Variants in LY6K observed in about 807,000 individuals in gnomAD.
LY6K encodes the protein lymphocyte antigen 6 family member K, also known as lymphocyte antigen 6K.
Under a neutral mutation model 10.4 loss-of-function variants are expected in LY6K, and 9 were observed. That is an observed-to-expected ratio of 0.87 (90% confidence interval 0.52 to 1.52). The LOEUF (loss-of-function observed/expected upper bound fraction) is 1.52, where lower values mean the gene tolerates loss of function less well. Among genes scored for constraint, LY6K ranks in the 40% most tolerant of loss-of-function variants. The probability of loss-of-function intolerance (pLI) is 0.00; values close to 1 mark genes in which losing one functional copy is unlikely to be tolerated. For synonymous variants in LY6K, 98 were observed against 83.7 expected (o/e 1.17, Z -0.94); for missense variants, 217 against 211.7 (o/e 1.02, Z -0.15).
chr8:142,701,979 T>C, intron 2 of LY6K: 2 of 356,182 alleles, frequency 5.6e-6, no homozygotes, highest in South Asian at 6.7e-5. Flanking sequence ...TGGCTAATTT[T>C]TTATTTTTAG....
At chr8:142,702,855 C>A in intron 2 of LY6K, 2 of 1,536,746 alleles carry the variant, frequency 1.3e-6, no homozygotes, top group Non-Finnish European at 8.8e-7. Flanking sequence ...AACCCCTAGA[C>A]CCGCATTCCC....
intron 1 of LY6K, 80 bp downstream of exon 1, chr8:142,700,710 G>T: frequency 7.7e-7 from 1 of 1,304,914 alleles, no homozygotes; most frequent in Non-Finnish European, 9.9e-7. Flanking sequence ...CGTGGCCACC[G>T]CCCCGACCAG....
Position 142,700,594 on chromosome 8 carries a change from G to T in LY6K, c.67G>T (p.Ala23Ser). ...GGTGTGGACAGACGCCAACCTGACT[G>T]CGAGACAACGAGATCCAGAGGACTC... ...PRVWTDANLT[A>S]RQRDPEDSQR... The change falls in exon 1 of 3, where the codon GCG (alanine) becomes TCG (serine). Residue 23 changes from alanine (A) to serine (S), a missense_variant. Ala to Ser is a moderately conservative substitution (Grantham distance 99). Transcript: ENST00000292430. 6.3e-7 allele frequency: 1 copy of T among 1,576,200 alleles called. No individual in the cohort carries two copies. The highest frequency in any genetic ancestry group is 1.7e-4 in the Middle Eastern group (1 of 5,966).
rs1397835696 is a variant in LY6K, at chr8:142,701,169, G to A, written c.104-431G>A. On this transcript the variant is annotated intron_variant, in intron 1 of 2. Coordinates refer to ENST00000292430, the MANE Select transcript of LY6K (RefSeq NM_017527.4). The stretch of plus-strand genomic sequence containing the variant: ...GCCGACCTGGGGTCAGGGTGCTGCG[G>A]CCGAGTGGGGGTGCGCTGTGCGCTC... 1.3e-5 allele frequency among the ~76,000 whole-genome samples: 2 copies of A among 152,262 alleles called. 1 individual carries two copies. The highest frequency in any genetic ancestry group is 4.8e-5 in the African/African-American group (2 of 41,470).
At chr8:142,702,490 C>G in intron 2 of LY6K, 1 of 1,535,578 alleles carries the variant, frequency 6.5e-7, no homozygotes. Flanking sequence ...CCAGCACATT[C>G]TGCCCACAGG....
intron 2 of LY6K, chr8:142,702,303 G>C (rs1554640291): frequency 1.4e-5 from 8 of 582,156 alleles, no homozygotes; most frequent in Non-Finnish European, 2.4e-5. Context: ...GCGCCACAGA[G>C]AACAGTGTCT....
rs1814944766 is a variant in LY6K, at chr8:142,700,253, T to C, written c.-275T>C. ...TTTCCACACGCGCCTTTCCCAGGGC[T>C]CCCGCGCCCGTTCCTGCCTGGCCGC... On this transcript the variant is annotated 5_prime_UTR_variant, in exon 1 of 3. Coordinates refer to ENST00000292430, the MANE Select transcript of LY6K (RefSeq NM_017527.4). The C allele has an allele frequency of 9.5e-7, 1 of 1,052,826 alleles. No individual in the cohort carries two copies. Among genetic ancestry groups the C allele is most frequent in the Non-Finnish European group, 1.2e-6 (1 of 836,684 alleles). The allele number at this position is 1,052,826 out of a possible 1,614,324, so 65.2% of individuals were successfully genotyped here.
In LY6K at chr8:142,700,350, T is replaced by G; in HGVS notation, c.-178T>G. The G allele has an allele frequency of 1.5e-6, 2 of 1,323,836 alleles. No individual in the cohort carries two copies. The highest frequency in any genetic ancestry group is 1.9e-6 in the Non-Finnish European group (2 of 1,039,496). 82.0% of individuals were successfully genotyped at this position (1,323,836 alleles called of 1,614,324 possible). A position where few individuals can be genotyped will look rare whatever the true frequency, so the allele number is the denominator to read the frequency against. ...AGGGCCGCCAGCGGCCGCGAGGCCC[T>G]GAGATGAGGCTCCAAAGACCCCGAC... On this transcript the variant is annotated 5_prime_UTR_variant, in exon 1 of 3. Coordinates refer to ENST00000292430, the MANE Select transcript of LY6K (RefSeq NM_017527.4).
intron 2 of LY6K, 159 bp downstream of exon 2, chr8:142,701,872 G>A: frequency 3.4e-6 from 2 of 579,992 alleles, no homozygotes; most frequent in Non-Finnish European, 3.1e-6. Context: ...GTGCAGTGGT[G>A]TGATCTCGGC....
At position 142,700,596 on chromosome 8, in the gene LY6K, G is replaced by A; in HGVS notation, c.69G>A (p.Ala23=). The part of the protein sequence containing the change: ...PRVWTDANLT[A]RQRDPEDSQR... The stretch of plus-strand genomic sequence containing the variant: ...TGTGGACAGACGCCAACCTGACTGC[G>A]AGACAACGAGATCCAGAGGACTCCC... The change falls in exon 1 of 3, where the codon GCG becomes GCA. Residue 23 remains alanine, a synonymous_variant. Coordinates refer to ENST00000292430, the MANE Select transcript of LY6K (RefSeq NM_017527.4). The A allele has an allele frequency of 3.2e-6, 5 of 1,574,912 alleles. No individual in the cohort carries two copies. The highest frequency in any genetic ancestry group is 4.3e-6 in the Non-Finnish European group (5 of 1,163,068).
In LY6K at chr8:142,700,325, A is replaced by C. The variant is rs374122416; in HGVS notation, c.-203A>C. 1,063 of 1,299,868 alleles carry C rather than the reference A, an allele frequency of 8.2e-4. 18 individuals carry two copies. In the East Asian group the frequency reaches 0.034, roughly 41 times the overall value. 80.5% of individuals were successfully genotyped at this position (1,299,868 alleles called of 1,614,324 possible). A position where few individuals can be genotyped will look rare whatever the true frequency, so the allele number is the denominator to read the frequency against. ...AAGGCGGGACTCAGAACCGGCGTTC[A>C]GGGCCGCCAGCGGCCGCGAGGCCCT... On this transcript the variant is annotated 5_prime_UTR_variant, in exon 1 of 3. Coordinates refer to ENST00000292430, the MANE Select transcript of LY6K (RefSeq NM_017527.4).
At chr8:142,703,003 G>A in intron 2 of LY6K, 88 bp from the exon 3 acceptor site, 3 of 1,580,538 alleles carry the variant, frequency 1.9e-6, no homozygotes, top group Non-Finnish European at 2.6e-6. Context: ...GGGCCGCCAG[G>A]GGTGAGGCTT....
At chr8:142,702,463 A>C (rs1815077808) in intron 2 of LY6K, 1 of 1,532,998 alleles carries the variant, frequency 6.5e-7, no homozygotes, top group Admixed American at 2.0e-5. Context: ...AGCCCTCCCC[A>C]AGGGGAATCT....
chr8:142,701,608 G>T lies in LY6K; in HGVS notation c.112G>T (p.Asp38Tyr). ...TTTATTCCTCCTTTCAGACGAGGGT[G>T]ACAATAGAGTGTGGTGTCATGTTTG... ...PEDSQRTDEG[D>Y]NRVWCHVCER... Residue 38 changes from aspartate (D) to tyrosine (Y), a missense_variant, in exon 2 of 3, where the codon GAC becomes TAC. Physicochemically the swap from Asp to Tyr is radical, Grantham distance 160. Transcript: ENST00000292430. The T allele has an allele frequency of 6.2e-7, 1 of 1,608,208 alleles. No individual in the cohort carries two copies. Among genetic ancestry groups the T allele is most frequent in the Non-Finnish European group, 8.5e-7 (1 of 1,174,590 alleles).
intron 2 of LY6K, 60 bp downstream of exon 2, chr8:142,701,773 TCAGGGC>T: frequency 9.2e-7 from 1 of 1,083,846 alleles, no homozygotes. Context: ...CTTTCAGGAA[TCAGGGC>T]TGTCTAGTTT....
chr8:142,700,227 G>T lies in LY6K; in HGVS notation c.-301G>T. ...GACGGCCCTTGGGCTCAGGGGCTGC[G>T]TTTCCACACGCGCCTTTCCCAGGGC... On this transcript the variant is annotated 5_prime_UTR_variant, in exon 1 of 3. Transcript: ENST00000292430. 1.2e-6 allele frequency: 1 copy of T among 838,824 alleles called. No homozygotes were observed. The highest frequency in any genetic ancestry group is 1.5e-6 in the Non-Finnish European group (1 of 649,758). 52.0% of individuals were successfully genotyped at this position (838,824 alleles called of 1,614,324 possible).
intron 2 of LY6K, 22 bp from the exon 3 acceptor site, chr8:142,703,069 C>G: frequency 1.2e-6 from 2 of 1,611,994 alleles, no homozygotes; most frequent in Non-Finnish European, 1.7e-6. Context: ...ATTGCCTTCT[C>G]TCGGTCTTTA....
intron 2 of LY6K, chr8:142,702,492 G>T (rs960289988): frequency 7.8e-6 from 12 of 1,535,516 alleles, no homozygotes; most frequent in Admixed American, 5.9e-5. Flanking sequence ...AGCACATTCT[G>T]CCCACAGGGA....
Position 142,700,194 on chromosome 8 carries a change from C to T in LY6K, c.-334C>T, listed in dbSNP as rs1814941647. 6.2e-6 allele frequency: 3 copies of T among 484,776 alleles called. No individual in the cohort carries two copies. The highest frequency in any genetic ancestry group is 8.7e-6 in the Non-Finnish European group (3 of 343,420). The allele number at this position is 484,776 out of a possible 1,614,324, so 30.0% of individuals were successfully genotyped here. On this transcript the variant is annotated 5_prime_UTR_variant, in exon 1 of 3. Coordinates refer to ENST00000292430, the MANE Select transcript of LY6K (RefSeq NM_017527.4). ...GCCACTTTCTGTGGGCCGTGGGGTC[C>T]TCAAGGAGACGGCCCTTGGGCTCAG...
Sources: gnomAD v4.1 joint callset for allele counts (sites outside exome capture counted in the v4.1 genomes callset) on GRCh38, gnomAD v4.1.1 for gene constraint, MANE v1.5 for transcripts, NCBI Gene and HGNC (gene_info 2026-07-23, HGNC 2026-07-21) for gene names.